Variants in SPATS2L observed in about 807,000 individuals in gnomAD.
SPATS2L encodes SPATS2-like protein.
SPATS2L carries 30 observed loss-of-function variants against 59.6 expected under a neutral mutation model. That is an observed-to-expected ratio of 0.50 (90% CI 0.38 to 0.68). The LOEUF is 0.68. Among genes scored for constraint, SPATS2L ranks in the 30% least tolerant of loss-of-function variants. SPATS2L has a pLI of 0.00. For synonymous variants in SPATS2L, 252 were observed against 263.5 expected, an observed-to-expected ratio of 0.96 and a Z score of 0.42; for missense variants, 615 against 700.0, an observed-to-expected ratio of 0.88 and a Z score of 1.37.
chr2:200,343,633 C>G (rs1360770129), intron 2 of SPATS2L, among the ~76,000 whole-genome samples: 1 of 151,990 alleles, frequency 6.6e-6, no homozygotes, highest in East Asian at 1.9e-4. Flanking sequence ...AGGTTTTAGC[C>G]ACAAAGATGT....
intron 1 of SPATS2L, among the ~76,000 whole-genome samples, chr2:200,307,553 G>A (rs1189770445): frequency 6.6e-6 from 1 of 152,268 alleles, no homozygotes; most frequent in South Asian, 2.1e-4. Context: ...GGGACGAAGC[G>A]GTCGCGCCGC....
chr2:200,417,499 G>T (rs1275890576), intron 5 of SPATS2L, among the ~76,000 whole-genome samples: 1 of 152,084 alleles, frequency 6.6e-6, no homozygotes, highest in Non-Finnish European at 1.5e-5. Flanking sequence ...TCAAATGTGT[G>T]GTTTGGGTAT....
At chr2:200,373,084 T>C (rs2081481153) in intron 2 of SPATS2L, 1 of 152,192 alleles carries the variant, frequency 6.6e-6, no homozygotes, top group East Asian at 1.9e-4. Context: ...GGCTGATTAT[T>C]CAGAGGCTTG....
intron 2 of SPATS2L, among the ~76,000 whole-genome samples, chr2:200,333,251 A>C (rs1574420146): frequency 6.6e-6 from 1 of 151,746 alleles, no homozygotes; most frequent in East Asian, 1.9e-4. Context: ...ACACTACTGC[A>C]CTCCAGCCTG....
chr2:200,476,396 A>C (rs2087521121), intron 12 of SPATS2L, among the ~76,000 whole-genome samples: 1 of 152,188 alleles, frequency 6.6e-6, no homozygotes, highest in Non-Finnish European at 1.5e-5. Context: ...TAAATTAGAA[A>C]AGCTACTTTA....
At chr2:200,471,622 A>G (rs1178103492) in intron 11 of SPATS2L, among the ~76,000 whole-genome samples, 1 of 152,192 alleles carries the variant, frequency 6.6e-6, no homozygotes, top group Non-Finnish European at 1.5e-5. Flanking sequence ...AACCGGAAAT[A>G]GTGGTCCCTG....
chr2:200,467,117 GGT>G (rs2086657457), intron 9 of SPATS2L, among the ~76,000 whole-genome samples, 171 bp from the exon 10 acceptor site: 1 of 152,180 alleles, frequency 6.6e-6, no homozygotes, highest in Non-Finnish European at 1.5e-5. Context: ...GGAGGAACTG[GGT>G]TGTTGGTAAT....
chr2:200,449,465 A>C (rs17630807), intron 8 of SPATS2L, among the ~76,000 whole-genome samples: 7,581 of 152,310 alleles, frequency 0.05, 362 homozygotes, highest in East Asian at 0.11. Flanking sequence ...GCCCACAATA[A>C]GAGCTGGAAG....
At chr2:200,407,564 G>T (rs2082730472) in intron 3 of SPATS2L, among the ~76,000 whole-genome samples, 1 of 152,152 alleles carries the variant, frequency 6.6e-6, no homozygotes. Context: ...ACCAATGTCT[G>T]TCTGCTAAGC....
intron 3 of SPATS2L, among the ~76,000 whole-genome samples, chr2:200,407,306 A>G (rs1402271411): frequency 6.6e-6 from 1 of 152,226 alleles, no homozygotes; most frequent in African/African-American, 2.4e-5. Context: ...AGATTAGAAC[A>G]TAGGTCTGTC....
chr2:200,454,583 A>G (rs935568893), intron 8 of SPATS2L, among the ~76,000 whole-genome samples: 5 of 152,238 alleles, frequency 3.3e-5, no homozygotes, highest in Non-Finnish European at 7.3e-5. Context: ...ACTATATAAT[A>G]AACTGTAAAG....
chr2:200,419,197 A>T (rs927065328), intron 5 of SPATS2L, 53 bp from the exon 6 acceptor site: 8 of 1,490,468 alleles, frequency 5.4e-6, no homozygotes, highest in Admixed American at 2.4e-5. Flanking sequence ...GATTCACCTT[A>T]TATTTCAAGA....
chr2:200,379,029 A>G (rs1191292106), intron 2 of SPATS2L, among the ~76,000 whole-genome samples: 1 of 152,180 alleles, frequency 6.6e-6, no homozygotes. Flanking sequence ...CCACAGCCCC[A>G]GTGTTGCTGT....
intron 2 of SPATS2L, among the ~76,000 whole-genome samples, chr2:200,377,826 T>C (rs2081651863): frequency 6.6e-6 from 1 of 152,160 alleles, no homozygotes; most frequent in Non-Finnish European, 1.5e-5. Flanking sequence ...GGTTTCAGGG[T>C]GCAGTGTAAG....
intron 11 of SPATS2L, 45 bp from the exon 12 acceptor site, chr2:200,472,787 G>T (rs1438742510): frequency 2.0e-6 from 3 of 1,536,134 alleles, no homozygotes; most frequent in East Asian, 4.5e-5. Flanking sequence ...TGAGGCAGCA[G>T]TGTTGGAGGT....
chr2:200,310,516 A>G (rs1487187300), intron 1 of SPATS2L, among the ~76,000 whole-genome samples: 1 of 152,066 alleles, frequency 6.6e-6, no homozygotes, highest in East Asian at 1.9e-4. Flanking sequence ...TCCCCATTCT[A>G]CGCACTTCCA....
intron 8 of SPATS2L, among the ~76,000 whole-genome samples, chr2:200,450,922 A>AT (rs1030439780): frequency 6.6e-6 from 1 of 152,176 alleles, no homozygotes; most frequent in Non-Finnish European, 1.5e-5. Flanking sequence ...AAGACTAGAA[A>AT]TTTGCCAGAT....
At chr2:200,352,340 T>A (rs1375058363) in intron 2 of SPATS2L, among the ~76,000 whole-genome samples, 1 of 16,820 alleles carries the variant, frequency 5.9e-5, no homozygotes, top group Non-Finnish European at 4.2e-4. Context: ...TATATATATA[T>A]ATATATATAT....
chr2:200,448,300 G>A (rs971033505), intron 8 of SPATS2L, among the ~76,000 whole-genome samples: 3 of 152,102 alleles, frequency 2.0e-5, no homozygotes, highest in East Asian at 1.9e-4. Flanking sequence ...AAATAAGCCC[G>A]GTGTGGTGGT....
Sources: gnomAD v4.1 joint callset for allele counts (sites outside exome capture counted in the v4.1 genomes callset) on GRCh38, gnomAD v4.1.1 for gene constraint, MANE v1.5 for transcripts, NCBI Gene and HGNC (gene_info 2026-07-23, HGNC 2026-07-21) for gene names.